Variants in MYO1B observed in about 807,000 individuals in gnomAD.
MYO1B encodes unconventional myosin-Ib.
MYO1B carries 72 observed loss-of-function variants against 159.7 expected under a neutral mutation model. The observed-to-expected ratio is 0.45, with a 90% CI of 0.37 to 0.55. The LOEUF is 0.55. MYO1B is among the 20% of genes least tolerant of loss of function. MYO1B has a pLI of 0.00. For missense variants in MYO1B, 1,062 were observed against 1,364.8 expected, an observed-to-expected ratio of 0.78 and a Z score of 3.50; for synonymous variants, 468 against 473.8, an observed-to-expected ratio of 0.99 and a Z score of 0.16.
chr2:191,247,820 T>G (rs916995566), intron 1 of MYO1B: 3 of 484,218 alleles, frequency 6.2e-6, no homozygotes, highest in Non-Finnish European at 8.1e-6. Flanking sequence ...TGGTCTCTGG[T>G]CTCTGGCCTC....
chr2:191,292,742 T>C (rs559916702), intron 2 of MYO1B, among the ~76,000 whole-genome samples: 1 of 152,296 alleles, frequency 6.6e-6, no homozygotes, highest in African/African-American at 2.4e-5. Flanking sequence ...ATTCTGATGG[T>C]TGAGGGGCCT....
chr2:191,386,651 T>A (rs1695415666), intron 16 of MYO1B, among the ~76,000 whole-genome samples: 1 of 152,134 alleles, frequency 6.6e-6, no homozygotes, highest in Admixed American at 6.5e-5. Context: ...TACTTCCTTT[T>A]TCATAAAATT....
chr2:191,408,206 T>C lies in MYO1B; in HGVS notation c.2631+17T>C. 1 of 1,581,486 alleles carries C rather than the reference T, an allele frequency of 6.3e-7. No homozygotes were observed. Among genetic ancestry groups the C allele is most frequent in the Non-Finnish European group, 8.7e-7 (1 of 1,150,808 alleles). On this transcript the variant is annotated intron_variant, in intron 25 of 30. Transcript: ENST00000392318. ...CAGAGAATTGTAAGTTGACACTTTATATCTGTGGATAATCAGCATTGTGGA... is the reference window on the plus strand; with the variant it reads ...CAGAGAATTGTAAGTTGACACTTTACATCTGTGGATAATCAGCATTGTGGA...
intron 7 of MYO1B, among the ~76,000 whole-genome samples, chr2:191,355,964 G>A (rs1161552043): frequency 5.9e-5 from 9 of 152,032 alleles, no homozygotes; most frequent in Non-Finnish European, 1.2e-4. Context: ...CTATCTCGTG[G>A]CACATTGTTT....
intron 3 of MYO1B, among the ~76,000 whole-genome samples, chr2:191,320,042 G>A (rs1690600273): frequency 6.6e-6 from 1 of 152,118 alleles, no homozygotes; most frequent in Admixed American, 6.6e-5. Context: ...GTGATGGTAA[G>A]GAAAGGGTGA....
At chr2:191,382,891 G>T (rs1248374661) in intron 14 of MYO1B, among the ~76,000 whole-genome samples, 1 of 152,094 alleles carries the variant, frequency 6.6e-6, no homozygotes, top group African/African-American at 2.4e-5. Flanking sequence ...AAGAATCTAG[G>T]CTTTAAATTC....
intron 4 of MYO1B, among the ~76,000 whole-genome samples, chr2:191,338,600 T>G (rs1692008344): frequency 6.6e-6 from 1 of 152,110 alleles, no homozygotes; most frequent in Admixed American, 6.5e-5. Flanking sequence ...TCAAATCAAT[T>G]CTAGTAGCCA....
chr2:191,415,340 T>C (rs530351289), intron 29 of MYO1B, among the ~76,000 whole-genome samples: 72 of 152,300 alleles, frequency 4.7e-4, no homozygotes, highest in African/African-American at 1.7e-3. Flanking sequence ...TGTAGGGACA[T>C]GTGTCTAGCT....
chr2:191,344,170 G>T (rs1692408424), intron 5 of MYO1B, among the ~76,000 whole-genome samples: 1 of 152,150 alleles, frequency 6.6e-6, no homozygotes, highest in South Asian at 2.1e-4. Flanking sequence ...TAACTTGGCA[G>T]CCCTGCATGT....
intron 3 of MYO1B, among the ~76,000 whole-genome samples, chr2:191,309,920 A>G (rs1329604485): frequency 1.3e-5 from 2 of 152,202 alleles, no homozygotes; most frequent in African/African-American, 2.4e-5. Context: ...CCCTGTATCC[A>G]TAGTAATTAG....
At chr2:191,398,832 G>A (rs1696386624) in intron 21 of MYO1B, among the ~76,000 whole-genome samples, 1 of 151,940 alleles carries the variant, frequency 6.6e-6, no homozygotes, top group Non-Finnish European at 1.5e-5. Context: ...TGGGCGGCCA[G>A]GCAGAGACGC....
intron 3 of MYO1B, among the ~76,000 whole-genome samples, chr2:191,311,354 C>T (rs1031633232): frequency 8.5e-5 from 13 of 152,166 alleles, no homozygotes; most frequent in Admixed American, 7.2e-4. Flanking sequence ...AAAACACATG[C>T]AGGCATAATC....
intron 3 of MYO1B, 73 bp from the exon 4 acceptor site, chr2:191,329,862 C>G (rs1328156333): frequency 3.1e-6 from 4 of 1,278,358 alleles, no homozygotes; most frequent in Non-Finnish European, 4.4e-6. Flanking sequence ...CTTTAAGGAG[C>G]TTGTAGTTCC....
At chr2:191,293,769 T>A (rs530271455) in intron 2 of MYO1B, among the ~76,000 whole-genome samples, 1 of 152,274 alleles carries the variant, frequency 6.6e-6, no homozygotes, top group East Asian at 1.9e-4. Context: ...ACCTCCTACC[T>A]CATCCTGTGA....
intron 2 of MYO1B, among the ~76,000 whole-genome samples, chr2:191,282,594 C>A (rs1179664347): frequency 6.6e-6 from 1 of 152,214 alleles, no homozygotes; most frequent in Admixed American, 6.5e-5. Flanking sequence ...GTACCACAGG[C>A]CCATTCCCAG....
At chr2:191,273,487 C>G (rs1687579874) in intron 1 of MYO1B, among the ~76,000 whole-genome samples, 1 of 152,214 alleles carries the variant, frequency 6.6e-6, no homozygotes, top group Admixed American at 6.5e-5. Context: ...TACCAACCCT[C>G]CTCATGAAAG....
At chr2:191,335,916 G>A (rs1035298163) in intron 4 of MYO1B, among the ~76,000 whole-genome samples, 3 of 152,142 alleles carry the variant, frequency 2.0e-5, no homozygotes, top group East Asian at 1.9e-4. Flanking sequence ...AGTCCTTTGG[G>A]GTGCTATTTA....
intron 3 of MYO1B, among the ~76,000 whole-genome samples, chr2:191,326,908 A>G (rs1047465493): frequency 2.6e-5 from 4 of 152,012 alleles, no homozygotes; most frequent in Non-Finnish European, 5.9e-5. Context: ...CCCTAGGAGC[A>G]TGGGAAAAAG....
chr2:191,315,277 C>G (rs1368719247), intron 3 of MYO1B, among the ~76,000 whole-genome samples: 1 of 152,102 alleles, frequency 6.6e-6, no homozygotes, highest in Non-Finnish European at 1.5e-5. Flanking sequence ...ATACCAATTG[C>G]CTTTTTTAGT....
Sources: allele counts gnomAD v4.1 joint callset (sites outside exome capture counted in the v4.1 genomes callset), GRCh38; gene constraint gnomAD v4.1.1; transcripts MANE v1.5; gene names NCBI Gene and HGNC (gene_info 2026-07-23, HGNC 2026-07-21).